The following CDH12 variants were observed in gnomAD, a reference collection of about 807,000 sequenced individuals.
CDH12 encodes cadherin-12.
CDH12 carries 41 observed loss-of-function variants against 74.1 expected under a neutral mutation model. That is an observed-to-expected ratio of 0.55 (90% confidence interval 0.43 to 0.72). The LOEUF (loss-of-function observed/expected upper bound fraction) is 0.72, where lower values mean the gene tolerates loss of function less well. Among genes scored for constraint, CDH12 ranks in the 30% least tolerant of loss-of-function variants. The probability of loss-of-function intolerance (pLI) is 0.00; values close to 1 mark genes in which losing one functional copy is unlikely to be tolerated. For missense variants in CDH12, 945 were observed against 977.2 expected (o/e 0.97, Z 0.44); for synonymous variants, 399 against 355.0 (o/e 1.12, Z -1.39).
chr5:22,702,101 T>C (rs75507364), intron 1 of CDH12, among the ~76,000 whole-genome samples: 5,047 of 152,252 alleles, frequency 0.033, 271 homozygotes, highest in East Asian at 0.15. Flanking sequence ...TCTGGAACAA[T>C]CATGAATGAT....
chr5:22,794,385 A>C (rs1748082792), intron 1 of CDH12, among the ~76,000 whole-genome samples: 1 of 152,188 alleles, frequency 6.6e-6, no homozygotes, highest in South Asian at 2.1e-4. Flanking sequence ...CAAAATAGCC[A>C]ATATAATTCT....
intron 6 of CDH12, among the ~76,000 whole-genome samples, chr5:21,857,099 T>C (rs1750792270): frequency 6.6e-6 from 1 of 151,812 alleles, no homozygotes; most frequent in South Asian, 2.1e-4. Flanking sequence ...GTCAATTGCC[T>C]GGAGCATGCA....
chr5:22,822,484 C>G (rs1749758097), intron 1 of CDH12, among the ~76,000 whole-genome samples: 1 of 152,132 alleles, frequency 6.6e-6, no homozygotes, highest in African/African-American at 2.4e-5. Flanking sequence ...ACCTACTCAT[C>G]TGACAAAGGG....
At chr5:22,848,487 C>A (rs1454144403) in intron 1 of CDH12, among the ~76,000 whole-genome samples, 1 of 152,142 alleles carries the variant, frequency 6.6e-6, no homozygotes, top group Non-Finnish European at 1.5e-5. Flanking sequence ...TTATGTAACA[C>A]CATAAATTTG....
chr5:22,783,473 A>C (rs1024227650), intron 1 of CDH12, among the ~76,000 whole-genome samples: 6 of 152,140 alleles, frequency 3.9e-5, no homozygotes, highest in African/African-American at 1.4e-4. Context: ...ACTGAAAATT[A>C]GTTTTCTCAG....
At position 21,790,887 on chromosome 5, in the gene CDH12, G is replaced by A. The variant is rs918576226; in HGVS notation, c.1257-7393C>T. Among the ~76,000 whole-genome samples, 10 of 151,846 alleles carry A rather than the reference G, an allele frequency of 6.6e-5. No individual in the cohort carries two copies. The South Asian group carries it at 1.2e-3, about 19-fold the overall frequency. ...AACTATGAAGCTCCCACACAAACTC[G>A]TACAGTACAAACCATAAACACAAAT... is the stretch of plus-strand genomic sequence containing the variant. On this transcript the variant is annotated intron_variant, in intron 10 of 14. Transcript: ENST00000382254.
chr5:22,384,611 G>T (rs1363092582), intron 3 of CDH12, among the ~76,000 whole-genome samples: 1 of 151,612 alleles, frequency 6.6e-6, no homozygotes, highest in African/African-American at 2.4e-5. Flanking sequence ...AAGGTTTCAA[G>T]GTTGCTTGGC....
rs201714092 is a variant in CDH12 at position 21,997,341 on chromosome 5, C to A, written c.232-21956G>T. On this transcript the variant is annotated intron_variant, in intron 5 of 14. Transcript: ENST00000382254. ...CTGTTTAAAGGGCCCAAAGTTGTGG[C>A]CATGAAGAAGCAGTAAATGATGAAT... 2.6e-5 allele frequency among the ~76,000 whole-genome samples: 4 copies of A among 152,190 alleles called. No homozygotes were observed. In the East Asian group the frequency reaches 7.7e-4, roughly 29 times the overall value.
At chr5:22,636,009 A>T (rs890149034) in intron 1 of CDH12, among the ~76,000 whole-genome samples, 5 of 151,986 alleles carry the variant, frequency 3.3e-5, no homozygotes, top group Non-Finnish European at 7.4e-5. Flanking sequence ...TCATTAAGAA[A>T]ACTAAGAAAA....
At chr5:22,568,968 C>T (rs1277582879) in intron 1 of CDH12, among the ~76,000 whole-genome samples, 1 of 152,092 alleles carries the variant, frequency 6.6e-6, no homozygotes, top group Non-Finnish European at 1.5e-5. Context: ...TGCTGACAAG[C>T]GATGTGGTTG....
At chr5:22,479,045 A>T (rs980857266) in intron 2 of CDH12, among the ~76,000 whole-genome samples, 1 of 152,170 alleles carries the variant, frequency 6.6e-6, no homozygotes, top group African/African-American at 2.4e-5. Context: ...CATTATCTGG[A>T]TACATGCAAA....
intron 5 of CDH12, among the ~76,000 whole-genome samples, chr5:21,980,023 TTC>T (rs1757239802): frequency 6.6e-6 from 1 of 151,888 alleles, no homozygotes; most frequent in Non-Finnish European, 1.5e-5. Context: ...TGATTTGCAT[TTC>T]TCTGATGGCC....
chr5:22,192,688 A>G (rs569932253), intron 4 of CDH12, among the ~76,000 whole-genome samples: 2 of 152,222 alleles, frequency 1.3e-5, no homozygotes, highest in South Asian at 4.2e-4. Flanking sequence ...GGGGTGGGAT[A>G]AGCTGGGGGG....
chr5:22,282,090 C>A (rs34324901), intron 3 of CDH12, among the ~76,000 whole-genome samples: 2 of 152,076 alleles, frequency 1.3e-5, no homozygotes, highest in Non-Finnish European at 2.9e-5. Context: ...ACAAATAACA[C>A]CATGCATCTA....
At chr5:22,562,343 C>A (rs960083745) in intron 1 of CDH12, among the ~76,000 whole-genome samples, 20 of 149,906 alleles carry the variant, frequency 1.3e-4, no homozygotes, top group East Asian at 3.9e-4. Context: ...AACAAACAAA[C>A]AAAAAAAAAC....
At chr5:21,903,358 A>C (rs1007913778) in intron 6 of CDH12, among the ~76,000 whole-genome samples, 35 of 152,266 alleles carry the variant, frequency 2.3e-4, no homozygotes, top group African/African-American at 6.5e-4. Context: ...AGAGATTGTA[A>C]GTACGTTTGA....
At chr5:22,784,174 A>T (rs1178589783) in intron 1 of CDH12, among the ~76,000 whole-genome samples, 1 of 152,044 alleles carries the variant, frequency 6.6e-6, no homozygotes, top group Non-Finnish European at 1.5e-5. Flanking sequence ...TATACCATCT[A>T]GTTTTTGTAA....
intron 4 of CDH12, among the ~76,000 whole-genome samples, chr5:22,150,642 G>A (rs1237129481): frequency 6.6e-6 from 1 of 152,058 alleles, no homozygotes; most frequent in Non-Finnish European, 1.5e-5. Flanking sequence ...GAAAAACTGA[G>A]ATTGCTCCTA....
intron 2 of CDH12, among the ~76,000 whole-genome samples, chr5:22,440,104 A>G (rs1744565012): frequency 6.6e-6 from 1 of 152,132 alleles, no homozygotes; most frequent in South Asian, 2.1e-4. Context: ...TTAAGAACAT[A>G]AGATGTGGTT....
Sources: gnomAD v4.1 joint callset for allele counts (sites outside exome capture counted in the v4.1 genomes callset) on GRCh38, gnomAD v4.1.1 for gene constraint, MANE v1.5 for transcripts, NCBI Gene and HGNC (gene_info 2026-07-23, HGNC 2026-07-21) for gene names.